The following SFXN1 variants were observed in gnomAD, a reference collection of about 807,000 sequenced individuals.
SFXN1 encodes sideroflexin-1.
A neutral mutation model predicts 39.5 loss-of-function variants in SFXN1; 32 were observed. The ratio of observed to expected loss-of-function variants is 0.81; its 90% CI spans 0.61 to 1.09. The LOEUF (loss-of-function observed/expected upper bound fraction) is 1.09. Ranked by LOEUF, SFXN1 falls within the 50% of genes least tolerant of loss-of-function variation. The pLI is 0.00. For synonymous variants in SFXN1, 136 were observed against 146.5 expected, an observed-to-expected ratio of 0.93 and a Z score of 0.52; for missense variants, 402 against 407.1, an observed-to-expected ratio of 0.99 and a Z score of 0.11.
chr5:175,509,332 G>A (rs994047854), intron 3 of SFXN1, 130 bp downstream of exon 3: 1 of 837,374 alleles, frequency 1.2e-6, no homozygotes, highest in Admixed American at 3.0e-5. Context: ...AAGGTAATTA[G>A]CTTGATTGAA....
Position 175,508,017 on chromosome 5 carries a change from C to T in SFXN1, c.165-1015C>T, listed in dbSNP as rs1760375428. Among the ~76,000 whole-genome samples, 5 of 150,616 alleles carry T rather than the reference C, an allele frequency of 3.3e-5. No homozygotes were observed. In the South Asian group the frequency reaches 1.1e-3, roughly 32 times the overall value. On this transcript the variant is annotated intron_variant, in intron 2 of 10. Coordinates refer to ENST00000321442, the MANE Select transcript of SFXN1 (RefSeq NM_022754.7). Reference sequence around the variant, plus strand: ...ATTCTTCCTGAACTAGCTTTTCATTCTATAGGTATAAAAATGAATTAATAT... The same window carrying T: ...ATTCTTCCTGAACTAGCTTTTCATTTTATAGGTATAAAAATGAATTAATAT...
chr5:175,500,352 A>G (rs964784836), intron 2 of SFXN1, among the ~76,000 whole-genome samples: 5 of 151,540 alleles, frequency 3.3e-5, no homozygotes, highest in African/African-American at 9.7e-5. Flanking sequence ...CAACAAAAAT[A>G]TTAAGTACTT....
At chr5:175,502,806 A>C (rs897437139) in intron 2 of SFXN1, among the ~76,000 whole-genome samples, 7 of 152,080 alleles carry the variant, frequency 4.6e-5, no homozygotes, top group Non-Finnish European at 8.8e-5. Context: ...ACGCCATTGC[A>C]CTCCAGCCTG....
At chr5:175,501,258 CA>C (rs1285290180) in intron 2 of SFXN1, among the ~76,000 whole-genome samples, 1 of 151,884 alleles carries the variant, frequency 6.6e-6, no homozygotes, top group Non-Finnish European at 1.5e-5. Context: ...TTAATAGAGA[CA>C]GGGTTTCACT....
chr5:175,499,556 A>C (rs1489773160), intron 2 of SFXN1, among the ~76,000 whole-genome samples: 1 of 152,158 alleles, frequency 6.6e-6, no homozygotes, highest in Non-Finnish European at 1.5e-5. Context: ...AAAACAGAAA[A>C]CCGTATTATC....
At chr5:175,521,888 A>G in intron 8 of SFXN1, 31 bp from the exon 9 acceptor site, 1 of 1,572,314 alleles carries the variant, frequency 6.4e-7, no homozygotes, top group Non-Finnish European at 8.7e-7. Flanking sequence ...CTGTATAAAA[A>G]GTATTCAAAG....
intron 9 of SFXN1, 104 bp downstream of exon 9, chr5:175,522,072 C>A: frequency 1.1e-6 from 1 of 945,166 alleles, no homozygotes; most frequent in Non-Finnish European, 1.6e-6. Flanking sequence ...GAAAATGAGG[C>A]CATCTCAGAA....
intron 1 of SFXN1, among the ~76,000 whole-genome samples, chr5:175,488,633 A>C (rs1383799090): frequency 2.6e-5 from 4 of 152,162 alleles, no homozygotes; most frequent in Non-Finnish European, 5.9e-5. Flanking sequence ...AGGTCTTGGC[A>C]ATGCCTTTTC....
chr5:175,486,417 T>C (rs770393502), intron 1 of SFXN1, among the ~76,000 whole-genome samples: 1 of 152,222 alleles, frequency 6.6e-6, no homozygotes, highest in Non-Finnish European at 1.5e-5. Flanking sequence ...GGATAAATCA[T>C]TTTTCAGACT....
intron 7 of SFXN1, among the ~76,000 whole-genome samples, chr5:175,514,568 A>G (rs1420928967): frequency 1.3e-5 from 2 of 152,224 alleles, no homozygotes; most frequent in Non-Finnish European, 2.9e-5. Flanking sequence ...GGCAATTAAA[A>G]TGAAGCTCTC....
chr5:175,510,283 A>G (rs1760468250), intron 4 of SFXN1, 76 bp downstream of exon 4: 2 of 1,185,252 alleles, frequency 1.7e-6, no homozygotes. Context: ...TCTCCTGTTT[A>G]AAAAAGCCTA....
intron 6 of SFXN1, among the ~76,000 whole-genome samples, chr5:175,512,992 T>G (rs1391476969): frequency 6.6e-6 from 1 of 152,176 alleles, no homozygotes; most frequent in African/African-American, 2.4e-5. Context: ...ATTAAACTTA[T>G]CCATGGTATT....
At chr5:175,524,147 T>A (rs1467652314) in intron 10 of SFXN1, 20 of 67,350 alleles carry the variant, frequency 3.0e-4, no homozygotes, top group South Asian at 1.3e-3. Context: ...TATATATATA[T>A]ATATATATAT....
intron 2 of SFXN1, 132 bp from the exon 3 acceptor site, chr5:175,508,900 G>A (rs1760409805): frequency 2.7e-6 from 2 of 734,692 alleles, no homozygotes; most frequent in East Asian, 5.7e-5. Flanking sequence ...CTCCCAAAGT[G>A]CTGGGATTAC....
chr5:175,494,211 C>G (rs534357325), intron 2 of SFXN1, among the ~76,000 whole-genome samples: 1 of 152,286 alleles, frequency 6.6e-6, no homozygotes, highest in East Asian at 1.9e-4. Flanking sequence ...AGCAGACACA[C>G]CCACACATGG....
chr5:175,511,121 T>C (rs1389844211), intron 4 of SFXN1, among the ~76,000 whole-genome samples: 1 of 152,200 alleles, frequency 6.6e-6, no homozygotes, highest in Non-Finnish European at 1.5e-5. Flanking sequence ...TTCCCCTGTA[T>C]TCATAGCTTC....
At chr5:175,494,143 G>A (rs993738632) in intron 2 of SFXN1, among the ~76,000 whole-genome samples, 2 of 152,080 alleles carry the variant, frequency 1.3e-5, no homozygotes, top group African/African-American at 4.8e-5. Context: ...AAGTAAAATG[G>A]AATTTTCCTC....
intron 8 of SFXN1, among the ~76,000 whole-genome samples, chr5:175,521,391 G>A (rs921657611): frequency 6.6e-6 from 1 of 152,184 alleles, no homozygotes; most frequent in Non-Finnish European, 1.5e-5. Flanking sequence ...TTTCTGATAT[G>A]TTCCAGCCAC....
chr5:175,521,620 A>G (rs574924844), intron 8 of SFXN1, among the ~76,000 whole-genome samples: 19 of 152,302 alleles, frequency 1.2e-4, no homozygotes, highest in African/African-American at 4.6e-4. Context: ...GATTCATTAC[A>G]ATTAAATGAC....
Sources: gnomAD v4.1 joint callset for allele counts (sites outside exome capture counted in the v4.1 genomes callset) on GRCh38, gnomAD v4.1.1 for gene constraint, MANE v1.5 for transcripts, NCBI Gene and HGNC (gene_info 2026-07-23, HGNC 2026-07-21) for gene names.